The following UQCC5 variants were observed in gnomAD, a reference collection of about 807,000 sequenced individuals.
UQCC5 encodes the protein UPF0640 protein C3orf78.
the UQCC5 span, chr3:52,540,336 C>T: frequency 1.0e-6 from 1 of 954,424 alleles, no homozygotes; most frequent in African/African-American, 1.7e-5. Context: ...AAGTAGGTGA[C>T]AGACCTAGAC....
the UQCC5 span, chr3:52,540,421 C>T: frequency 3.9e-6 from 6 of 1,519,752 alleles, no homozygotes; most frequent in African/African-American, 8.5e-5. Flanking sequence ...TTGTTTGATA[C>T]AGATGATGTC....
chr3:52,540,271 AGTTTT>A, the UQCC5 span, among the ~76,000 whole-genome samples: 8 of 152,200 alleles, frequency 5.3e-5, 1 homozygote, highest in South Asian at 2.1e-4. Flanking sequence ...ATCTAACTCA[AGTTTT>A]GTTTTAAGTT....
At chr3:52,539,635 AAGAT>A in the UQCC5 span, among the ~76,000 whole-genome samples, 1 of 133,336 alleles carries the variant, frequency 7.5e-6, no homozygotes, top group Non-Finnish European at 1.6e-5. Context: ...ATGAAGGAAG[AAGAT>A]TTTTTTTTTT....
chr3:52,539,074 T>C, the UQCC5 span, among the ~76,000 whole-genome samples: 1 of 151,884 alleles, frequency 6.6e-6, no homozygotes, highest in East Asian at 1.9e-4. Flanking sequence ...GAAATGGCCA[T>C]TTGGGGGTGG....
the UQCC5 span, chr3:52,536,888 G>GC: frequency 5.2e-6 from 8 of 1,551,528 alleles, no homozygotes; most frequent in Non-Finnish European, 7.0e-6. Flanking sequence ...TAAAGTGCGC[G>GC]TGGGCCAGGA....
chr3:52,539,279 G>C, the UQCC5 span, among the ~76,000 whole-genome samples: 2 of 152,162 alleles, frequency 1.3e-5, no homozygotes, highest in African/African-American at 4.8e-5. Context: ...GAGTATGAAG[G>C]AATTTTAGCT....
At chr3:52,538,368 C>T in the UQCC5 span, among the ~76,000 whole-genome samples, 161 of 152,332 alleles carry the variant, frequency 1.1e-3, no homozygotes, top group Admixed American at 0.011. Flanking sequence ...TTATACAGAG[C>T]TGAAGCTCAG....
At chr3:52,536,860 G>C in the UQCC5 span, 2 of 1,551,710 alleles carry the variant, frequency 1.3e-6, no homozygotes, top group Non-Finnish European at 1.7e-6. Context: ...TGGGAGGAAC[G>C]ATGGAGTGGA....
At chr3:52,539,585 G>A in the UQCC5 span, among the ~76,000 whole-genome samples, 8 of 152,234 alleles carry the variant, frequency 5.3e-5, no homozygotes, top group Admixed American at 1.3e-4. Flanking sequence ...ATGGAGAGCA[G>A]GTGCCAAAGA....
chr3:52,539,697 G>A, the UQCC5 span, among the ~76,000 whole-genome samples: 4 of 151,070 alleles, frequency 2.6e-5, no homozygotes, highest in Admixed American at 2.6e-4. Context: ...GGAGTGTGGT[G>A]GCACGATCTT....
the UQCC5 span, chr3:52,536,653 C>T: frequency 6.7e-7 from 1 of 1,503,242 alleles, no homozygotes; most frequent in South Asian, 1.3e-5. Context: ...CGCTAGTCTC[C>T]CAGGTCGCGG....
chr3:52,539,797 C>T, the UQCC5 span, among the ~76,000 whole-genome samples: 3 of 152,174 alleles, frequency 2.0e-5, no homozygotes, highest in East Asian at 5.8e-4. Flanking sequence ...TGCCACCACA[C>T]CCGGTTAATT....
the UQCC5 span, among the ~76,000 whole-genome samples, chr3:52,537,412 C>T: frequency 2.0e-5 from 3 of 152,194 alleles, no homozygotes; most frequent in Admixed American, 2.0e-4. Flanking sequence ...ATAGTGGTAA[C>T]GCCTGGCACT....
the UQCC5 span, chr3:52,540,459 T>A: frequency 6.5e-7 from 1 of 1,532,796 alleles, no homozygotes; most frequent in East Asian, 2.5e-5. Context: ...AGAAAGACAG[T>A]ATCAGAGAAG....
the UQCC5 span, chr3:52,536,641 C>G: frequency 2.7e-6 from 4 of 1,488,104 alleles, no homozygotes; most frequent in African/African-American, 5.6e-5. Flanking sequence ...GAGGACGGCG[C>G]TCGCTAGTCT....
chr3:52,541,336 A>T, the UQCC5 span: 3 of 152,208 alleles, frequency 2.0e-5, no homozygotes, highest in African/African-American at 2.4e-5. Context: ...GCAAAAAAAA[A>T]TCTACATACT....
the UQCC5 span, among the ~76,000 whole-genome samples, chr3:52,539,872 T>C: frequency 6.6e-6 from 1 of 152,092 alleles, no homozygotes; most frequent in Admixed American, 6.5e-5. Flanking sequence ...CTCCTGACCT[T>C]GTGATCCGCC....
At chr3:52,537,286 C>A in the UQCC5 span, among the ~76,000 whole-genome samples, 2 of 152,232 alleles carry the variant, frequency 1.3e-5, no homozygotes. Context: ...TTGGATTCTT[C>A]TGTCCAAACT....
the UQCC5 span, chr3:52,536,677 C>G: frequency 7.9e-6 from 12 of 1,523,606 alleles, no homozygotes; most frequent in Admixed American, 2.0e-4. Context: ...ACGGCGAGAA[C>G]GGGCGGGGCG....
Sources: allele counts gnomAD v4.1 joint callset (sites outside exome capture counted in the v4.1 genomes callset), GRCh38; gene constraint gnomAD v4.1.1; transcripts MANE v1.5; gene names NCBI Gene and HGNC (gene_info 2026-07-23, HGNC 2026-07-21).